The following NFIC variants were observed in gnomAD, a reference collection of about 807,000 sequenced individuals.
NFIC encodes nuclear factor 1 C-type.
Under a neutral mutation model 54.4 loss-of-function variants are expected in NFIC, and 12 were observed. That is an observed-to-expected ratio of 0.22 (90% CI 0.14 to 0.36). The LOEUF is 0.36. Among genes scored for constraint, NFIC ranks in the 10% least tolerant of loss-of-function variants. The pLI, the probability that NFIC is intolerant of heterozygous loss-of-function variation, is 1.00. For synonymous variants in NFIC, 322 were observed against 319.2 expected (o/e 1.01, Z -0.09); for missense variants, 575 against 718.2 (o/e 0.80, Z 2.28).
At chr19:3,373,614 T>TG (rs2081057807) in intron 1 of NFIC, among the ~76,000 whole-genome samples, 2 of 128,388 alleles carry the variant, frequency 1.6e-5, no homozygotes, top group Admixed American at 7.8e-5. Flanking sequence ...GAGACCTTCC[T>TG]GGACCCCCCC....
rs1226484218 is a variant in NFIC at position 3,369,230 on chromosome 19, CCCCTT to C, written c.30+2567_30+2571del. Among the ~76,000 whole-genome samples the C allele has an allele frequency of 3.3e-5, 5 of 151,692 alleles. No homozygotes were observed. In the South Asian group the frequency reaches 6.3e-4, roughly 19 times the overall value. On this transcript the variant is annotated intron_variant, in intron 1 of 10. Coordinates refer to ENST00000443272, the MANE Select transcript of NFIC (RefSeq NM_001245002.2). This position sits in a 1 kb window ranked among gnomAD's most constrained non-coding sequence, Gnocchi z 4.3. ...TGTTTCTCTGTCTCTGTCTCTCTGCCCCCTTCCTCTCTGTCTCTGTTTCTCTCCAA... is the reference window on the plus strand; with the variant it reads ...TGTTTCTCTGTCTCTGTCTCTCTGCCCCTCTCTGTCTCTGTTTCTCTCCAA...
rs190963056 is a variant in NFIC, at chr19:3,422,183, C to T, written c.563-2923C>T. ...ACTCCTGAGCTCAAAGTGATCTGCC[C>T]GCCTCGGCCTCCCAAAGTGCTGGGA... On this transcript the variant is annotated intron_variant, in intron 2 of 10. Coordinates refer to ENST00000443272, the MANE Select transcript of NFIC (RefSeq NM_001245002.2). 8.5e-4 allele frequency among the ~76,000 whole-genome samples: 129 copies of T among 152,074 alleles called. 2 individuals are homozygous for T. Among genetic ancestry groups the T allele is most frequent in the Middle Eastern group, 6.8e-3 (2 of 292 alleles).
intron 6 of NFIC, among the ~76,000 whole-genome samples, chr19:3,446,361 C>G (rs2082374376): frequency 1.3e-5 from 2 of 151,820 alleles, no homozygotes; most frequent in South Asian, 4.1e-4. Context: ...TTGGTGATGT[C>G]TGGGGACATC....
rs966663259 is a variant in NFIC at position 3,458,714 on chromosome 19, C to T, written c.1509+2079C>T. 2.0e-5 allele frequency among the ~76,000 whole-genome samples: 3 copies of T among 151,684 alleles called. No individual in the cohort carries two copies. Among genetic ancestry groups the T allele is most frequent in the Non-Finnish European group, 4.4e-5 (3 of 67,930 alleles). On this transcript the variant is annotated intron_variant, in intron 10 of 10. Transcript: ENST00000443272. The surrounding 1 kb of genome is among the most constrained non-coding windows in gnomAD (Gnocchi z 4.1). ...AGCTGGCTGGAATGTGAGAGATCTC[C>T]GGTGGCAGGGGCCAGACAGATGATG... is the stretch of plus-strand genomic sequence containing the variant.
rs1199865197 is a variant in NFIC, at chr19:3,449,018, C to T, written c.963C>T (p.Ile321=). The T allele has an allele frequency of 6.2e-7, 1 of 1,612,576 alleles. No homozygotes were observed. The highest frequency in any genetic ancestry group is 8.5e-7 in the Non-Finnish European group (1 of 1,179,268). ...RNWTEDMEGG[I]SSPVKKTEMD... ...CTCGTCCCATCCCCTCCACAGGCAT[C>T]TCGTCCCCGGTGAAGAAGACAGAGA... The change falls in exon 7 of 11, where the codon ATC becomes ATT. Residue 321 remains isoleucine, a synonymous_variant. Transcript: ENST00000443272.
At chr19:3,419,346 C>G (rs1310044725) in intron 2 of NFIC, among the ~76,000 whole-genome samples, 1 of 152,052 alleles carries the variant, frequency 6.6e-6, no homozygotes, top group Non-Finnish European at 1.5e-5. Flanking sequence ...TGGTGGTGCT[C>G]ACCCATGGTT....
Position 3,382,174 on chromosome 19 carries a change from C to G in NFIC, c.493C>G (p.Gln165Glu). 6.2e-7 allele frequency: 1 copy of G among 1,612,192 alleles called. No homozygotes were observed. The highest frequency in any genetic ancestry group is 1.1e-5 in the South Asian group (1 of 91,056). The change falls in exon 2 of 11, where the codon CAG becomes GAG. Residue 165 changes from glutamine to glutamate, a missense_variant. Physicochemically the swap from Gln to Glu is conservative, Grantham distance 29 (BLOSUM62 2). Coordinates refer to ENST00000443272, the MANE Select transcript of NFIC (RefSeq NM_001245002.2). The stretch of plus-strand genomic sequence containing the variant: ...GTGCGGTCACCCGGTCCTGTGCGTG[C>G]AGCCGCACCACATTGGCGTGGCCGT... The part of the protein sequence containing the change: ...AQCGHPVLCV[Q>E]PHHIGVAVKE...
chr19:3,402,791 G>T (rs539980796), intron 2 of NFIC, among the ~76,000 whole-genome samples: 1 of 152,320 alleles, frequency 6.6e-6, no homozygotes, highest in African/African-American at 2.4e-5. Context: ...AGAGGGAACA[G>T]AATGTGCAAA....
chr19:3,385,842 G>A (rs2145487811), intron 2 of NFIC, among the ~76,000 whole-genome samples: 1 of 152,124 alleles, frequency 6.6e-6, no homozygotes, highest in Middle Eastern at 3.4e-3. Context: ...AAAGTGCTGG[G>A]ATTACAGGCG....
chr19:3,415,013 T>C (rs925168124), intron 2 of NFIC, among the ~76,000 whole-genome samples: 8 of 152,136 alleles, frequency 5.3e-5, no homozygotes, highest in African/African-American at 1.9e-4. Context: ...CTAATTTTTG[T>C]ATTTTTGGTA....
chr19:3,382,365 G>A (rs2081225879), intron 2 of NFIC, 122 bp downstream of exon 2: 1 of 1,373,098 alleles, frequency 7.3e-7, no homozygotes, highest in East Asian at 2.4e-5. Flanking sequence ...TGGTCTGAGA[G>A]GGGAAGTGGG....
In NFIC at chr19:3,435,086, C is replaced by T; in HGVS notation, c.837C>T (p.Ser279=). 1 of 1,597,488 alleles carries T rather than the reference C, an allele frequency of 6.3e-7. No homozygotes were observed. The highest frequency in any genetic ancestry group is 8.5e-7 in the Non-Finnish European group (1 of 1,170,014). ...CTCCCCTTCCCTCGCCCATAAGGAG[C>T]AAGCGGCACAAATCGGGCTCGATGG... ...RTLPSTSSSG[S]KRHKSGSMEE... Residue 279 remains serine (S), a synonymous_variant, in exon 6 of 11, where the codon AGC becomes AGT. Coordinates refer to ENST00000443272, the MANE Select transcript of NFIC (RefSeq NM_001245002.2).
intron 1 of NFIC, among the ~76,000 whole-genome samples, chr19:3,381,374 G>A (rs539253667): frequency 8.8e-5 from 12 of 136,424 alleles, no homozygotes; most frequent in African/African-American, 2.8e-4. Flanking sequence ...CAGCCTTAGC[G>A]TTAAGAGCAA....
chr19:3,378,216 G>A (rs1257937260), intron 1 of NFIC, among the ~76,000 whole-genome samples: 2 of 149,874 alleles, frequency 1.3e-5, no homozygotes, highest in Non-Finnish European at 3.0e-5. Context: ...AGCCGAGATT[G>A]TGCCACTGCA....
chr19:3,415,842 C>T (rs1000717700), intron 2 of NFIC, among the ~76,000 whole-genome samples: 1 of 151,998 alleles, frequency 6.6e-6, no homozygotes, highest in Non-Finnish European at 1.5e-5. Flanking sequence ...GTCCACTCAA[C>T]ACCCCTTTTT....
intron 6 of NFIC, among the ~76,000 whole-genome samples, chr19:3,445,839 T>C (rs2082366286): frequency 6.6e-6 from 1 of 152,070 alleles, no homozygotes; most frequent in Non-Finnish European, 1.5e-5. Context: ...TGCAGGTGCC[T>C]ATGGAACCAC....
upstream of NFIC, among the ~76,000 whole-genome samples, chr19:3,365,727 C>T (rs148713401): frequency 6.6e-5 from 10 of 152,300 alleles, no homozygotes; most frequent in Admixed American, 2.0e-4. Flanking sequence ...CTGGAGATCC[C>T]GCCTGGACAC....
At chr19:3,412,508 A>C (rs2081780207) in intron 2 of NFIC, among the ~76,000 whole-genome samples, 1 of 152,072 alleles carries the variant, frequency 6.6e-6, no homozygotes, top group Non-Finnish European at 1.5e-5. Context: ...CTGCCAAGGC[A>C]ATCCTCTCAA....
chr19:3,456,922 C>T, intron 10 of NFIC: 1 of 489,640 alleles, frequency 2.0e-6, no homozygotes, highest in South Asian at 2.0e-5. Flanking sequence ...GGACCAGTGT[C>T]ATTACCACCT....
Sources: gnomAD v4.1 joint callset for allele counts (sites outside exome capture counted in the v4.1 genomes callset) on GRCh38, gnomAD v4.1.1 for gene constraint, Gnocchi (gnomAD v3.1) non-coding constraint, MANE v1.5 for transcripts, NCBI Gene and HGNC (gene_info 2026-07-23, HGNC 2026-07-21) for gene names.